BCAS3: variants seen among roughly 807,000 people sequenced by gnomAD.
BCAS3 encodes the protein BCAS3 microtubule associated cell migration factor.
In BCAS3, 53 loss-of-function variants were observed where a neutral mutation model predicts 116.1. The ratio of observed to expected loss-of-function variants is 0.46; its 90% confidence interval spans 0.37 to 0.57. The LOEUF (loss-of-function observed/expected upper bound fraction) is 0.57, where lower values mean the gene tolerates loss of function less well. BCAS3 is among the 20% of genes least tolerant of loss of function. The probability of loss-of-function intolerance (pLI) is 0.00; values close to 1 mark genes in which losing one functional copy is unlikely to be tolerated. For missense variants in BCAS3, 917 were observed against 1,165.4 expected (o/e 0.79, Z 3.10); for synonymous variants, 391 against 408.2 (o/e 0.96, Z 0.51).
At chr17:61,331,087 C>T (rs919289360) in intron 22 of BCAS3, among the ~76,000 whole-genome samples, 1 of 152,110 alleles carries the variant, frequency 6.6e-6, no homozygotes, top group Non-Finnish European at 1.5e-5. Flanking sequence ...CATATAAGAC[C>T]ATGTCCTGCG....
At chr17:60,884,523 T>C (rs2056461192) in intron 9 of BCAS3, among the ~76,000 whole-genome samples, 1 of 147,554 alleles carries the variant, frequency 6.8e-6, no homozygotes, top group African/African-American at 2.6e-5. Context: ...CTAGTTCTTT[T>C]CATTGTGATG....
At chr17:61,146,070 T>C (rs1053270157) in intron 22 of BCAS3, among the ~76,000 whole-genome samples, 4 of 151,814 alleles carry the variant, frequency 2.6e-5, no homozygotes, top group Non-Finnish European at 5.9e-5. Flanking sequence ...TACCCCCCGA[T>C]AGCTGACACA....
intron 5 of BCAS3, among the ~76,000 whole-genome samples, chr17:60,721,914 A>G (rs184767658): frequency 6.6e-6 from 1 of 152,230 alleles, no homozygotes; most frequent in Non-Finnish European, 1.5e-5. Context: ...ATCACCATAG[A>G]TTCTTTTTTT....
rs146060376 is a variant in BCAS3 at position 61,243,964 on chromosome 17, T to G, written c.2426-124363T>G. The stretch of plus-strand genomic sequence containing the variant: ...CCACAACCTGCTAATTTTTTAAGTT[T>G]TTTTTTTCAAGAGACAGAGTCTTGC... On this transcript the variant is annotated intron_variant, in intron 22 of 23. Transcript: ENST00000407086. This position sits in a 1 kb window ranked among gnomAD's most constrained non-coding sequence, Gnocchi z 5.6. Among the ~76,000 whole-genome samples the G allele has an allele frequency of 3.6e-3, 552 of 152,186 alleles. 6 individuals carry two copies. Among genetic ancestry groups the G allele is most frequent in the East Asian group, 0.027 (142 of 5,176 alleles).
At chr17:60,746,799 T>G (rs1251145575) in intron 5 of BCAS3, among the ~76,000 whole-genome samples, 3 of 152,182 alleles carry the variant, frequency 2.0e-5, no homozygotes, top group Non-Finnish European at 4.4e-5. Flanking sequence ...CAATAAGTAT[T>G]GCTTTTTCTC....
chr17:60,710,593 G>A (rs2037762920), intron 5 of BCAS3, among the ~76,000 whole-genome samples: 3 of 151,822 alleles, frequency 2.0e-5, no homozygotes, highest in Admixed American at 2.0e-4. Flanking sequence ...CACCACGCCT[G>A]GCTAATTTTT....
intron 6 of BCAS3, among the ~76,000 whole-genome samples, chr17:60,800,317 G>A (rs2047659445): frequency 6.6e-6 from 1 of 152,106 alleles, no homozygotes; most frequent in Non-Finnish European, 1.5e-5. Context: ...TAGTAGGTAT[G>A]TAGTGATGTC....
Position 60,836,418 on chromosome 17 carries a change from T to G in BCAS3, c.476+28342T>G, listed in dbSNP as rs80177341. Among the ~76,000 whole-genome samples the G allele has an allele frequency of 8.8e-3, 1,342 of 152,270 alleles. 22 individuals carry two copies. Among genetic ancestry groups the G allele is most frequent in the African/African-American group, 0.03 (1,250 of 41,578 alleles). On this transcript the variant is annotated intron_variant, in intron 7 of 23. Transcript: ENST00000407086. ...TTAATCTCTGCCCTCCGGAAGCTTA[T>G]ACGGTAGTTCTTTTTAGCGAAAGAA... is the stretch of plus-strand genomic sequence containing the variant.
At position 61,344,876 on chromosome 17, in the gene BCAS3, G is replaced by A. The variant is rs1326484098; in HGVS notation, c.2426-23451G>A. On this transcript the variant is annotated intron_variant, in intron 22 of 23. Coordinates refer to ENST00000407086, the MANE Select transcript of BCAS3 (RefSeq NM_017679.5). This position sits in a 1 kb window ranked among gnomAD's most constrained non-coding sequence, Gnocchi z 4.1. ...GCAATGTCACTCCAGCCCCTTGTTT[G>A]CCACCATGGACAGGTATTTTATGAT... 1.3e-5 allele frequency among the ~76,000 whole-genome samples: 2 copies of A among 151,892 alleles called. No homozygotes were observed. The highest frequency in any genetic ancestry group is 4.8e-5 in the African/African-American group (2 of 41,326).
At chr17:60,842,042 A>G (rs1286049499) in intron 7 of BCAS3, among the ~76,000 whole-genome samples, 1 of 152,198 alleles carries the variant, frequency 6.6e-6, no homozygotes, top group Non-Finnish European at 1.5e-5. Context: ...ACCAAGGTGT[A>G]CACTTTAGAT....
intron 6 of BCAS3, among the ~76,000 whole-genome samples, chr17:60,806,034 A>G (rs2048246452): frequency 6.7e-6 from 1 of 150,066 alleles, no homozygotes. Flanking sequence ...TAATTTTTAT[A>G]TTTTTGTATT....
chr17:61,371,715 A>AT (rs1454130463), intron 23 of BCAS3, among the ~76,000 whole-genome samples: 1 of 152,152 alleles, frequency 6.6e-6, no homozygotes, highest in Admixed American at 6.6e-5. Context: ...TCAATTAAAA[A>AT]ATATATATTT....
chr17:61,068,720 G>A lies in BCAS3; in HGVS notation c.2030-6200G>A, dbSNP rs539339420. Among the ~76,000 whole-genome samples, 17 of 152,138 alleles carry A rather than the reference G, an allele frequency of 1.1e-4. No individual in the cohort carries two copies. The highest frequency in any genetic ancestry group is 3.9e-4 in the East Asian group (2 of 5,184). On this transcript the variant is annotated intron_variant, in intron 19 of 23. Transcript: ENST00000407086. The surrounding 1 kb of genome is among the most constrained non-coding windows in gnomAD (Gnocchi z 4.3). ...CTAAAACTTCTTCTGGGATTCTGTC[G>A]TTTCCCACTCCTCTTTGTGACCCTC...
At chr17:61,046,564 G>A (rs1465848762) in intron 19 of BCAS3, among the ~76,000 whole-genome samples, 1 of 151,624 alleles carries the variant, frequency 6.6e-6, no homozygotes, top group East Asian at 1.9e-4. Context: ...TACAATGTAA[G>A]TGCTATATAA....
At chr17:60,969,270 A>C (rs1168697709) in intron 14 of BCAS3, among the ~76,000 whole-genome samples, 3 of 152,220 alleles carry the variant, frequency 2.0e-5, no homozygotes, top group Non-Finnish European at 4.4e-5. Context: ...CTTCTAGTAG[A>C]AATTATTTTA....
At chr17:60,954,533 A>G (rs1395378836) in intron 14 of BCAS3, among the ~76,000 whole-genome samples, 2 of 152,166 alleles carry the variant, frequency 1.3e-5, no homozygotes, top group Non-Finnish European at 1.5e-5. Flanking sequence ...GCATTGAATG[A>G]CTTTTCTAAG....
At chr17:60,916,027 A>G (rs1045866463) in intron 12 of BCAS3, among the ~76,000 whole-genome samples, 5 of 152,060 alleles carry the variant, frequency 3.3e-5, no homozygotes, top group African/African-American at 9.7e-5. Flanking sequence ...CATTGTATGA[A>G]TGTGTCAGTT....
Position 61,243,216 on chromosome 17 carries a change from C to A in BCAS3, c.2426-125111C>A, listed in dbSNP as rs954041687. ...TGAGCCACTGCGCCCTACTGCTATACACATTTAATGTCTACACTGTGATGA... is the reference window on the plus strand; with the variant it reads ...TGAGCCACTGCGCCCTACTGCTATAAACATTTAATGTCTACACTGTGATGA... On this transcript the variant is annotated intron_variant, in intron 22 of 23. Transcript: ENST00000407086. The surrounding 1 kb of genome is among the most constrained non-coding windows in gnomAD (Gnocchi z 5.6). Among the ~76,000 whole-genome samples the A allele has an allele frequency of 2.0e-5, 3 of 152,098 alleles. No individual in the cohort carries two copies. Among genetic ancestry groups the A allele is most frequent in the African/African-American group, 7.2e-5 (3 of 41,446 alleles).
chr17:61,006,282 G>A (rs958917651), intron 15 of BCAS3, among the ~76,000 whole-genome samples: 22 of 152,106 alleles, frequency 1.4e-4, no homozygotes, highest in African/African-American at 5.1e-4. Context: ...GATAAGTTCT[G>A]CAAATGTAAA....
Sources: gnomAD v4.1 joint callset for allele counts (sites outside exome capture counted in the v4.1 genomes callset) on GRCh38, gnomAD v4.1.1 for gene constraint, Gnocchi (gnomAD v3.1) non-coding constraint, MANE v1.5 for transcripts, NCBI Gene and HGNC (gene_info 2026-07-23, HGNC 2026-07-21) for gene names.